The following DLGAP2 variants were observed in gnomAD, a reference collection of about 807,000 sequenced individuals.
DLGAP2 encodes disks large-associated protein 2.
In DLGAP2, 26 loss-of-function variants were observed where a neutral mutation model predicts 100.3. The ratio of observed to expected loss-of-function variants is 0.26; its 90% CI spans 0.19 to 0.36. The LOEUF (loss-of-function observed/expected upper bound fraction) is 0.36, where lower values mean the gene tolerates loss of function less well. Among genes scored for constraint, DLGAP2 ranks in the 10% least tolerant of loss-of-function variants. The pLI is 1.00. For missense variants in DLGAP2, 1,858 were observed against 1,453.2 expected, an observed-to-expected ratio of 1.28 and a Z score of -4.53; for synonymous variants, 886 against 630.1, an observed-to-expected ratio of 1.41 and a Z score of -6.08.
chr8:1,515,371 T>G (rs1165281931), intron 4 of DLGAP2, among the ~76,000 whole-genome samples: 1 of 152,196 alleles, frequency 6.6e-6, no homozygotes, highest in Non-Finnish European at 1.5e-5. Flanking sequence ...GCAGTCAGCA[T>G]ACACATGCAC....
chr8:1,551,260 T>C (rs993978184), intron 5 of DLGAP2, among the ~76,000 whole-genome samples: 16 of 152,266 alleles, frequency 1.1e-4, no homozygotes, highest in African/African-American at 3.6e-4. Flanking sequence ...TCTGCTTGTT[T>C]AGAGAAGCCT....
At chr8:1,128,041 C>T (rs967847888) in intron 2 of DLGAP2, among the ~76,000 whole-genome samples, 1 of 152,238 alleles carries the variant, frequency 6.6e-6, no homozygotes, top group Non-Finnish European at 1.5e-5. Context: ...AAGAGCAGCC[C>T]CACATTTCAA....
intron 12 of DLGAP2, among the ~76,000 whole-genome samples, chr8:1,685,487 T>C (rs4379476): frequency 2.0e-5 from 3 of 152,044 alleles, no homozygotes; most frequent in Admixed American, 6.5e-5. Context: ...TGTGTCCATT[T>C]TGTGGATCAG....
intron 3 of DLGAP2, among the ~76,000 whole-genome samples, chr8:1,495,877 G>A (rs988433563): frequency 4.6e-5 from 7 of 152,166 alleles, no homozygotes; most frequent in East Asian, 1.9e-4. Flanking sequence ...CAAAGCACAC[G>A]ACAGCCCCTG....
At chr8:877,516 G>A (rs1230566968) in intron 1 of DLGAP2, among the ~76,000 whole-genome samples, 1 of 152,210 alleles carries the variant, frequency 6.6e-6, no homozygotes, top group Non-Finnish European at 1.5e-5. Flanking sequence ...GCCACTAATT[G>A]CTGCTGATTG....
At chr8:941,818 C>T (rs867488398) in intron 2 of DLGAP2, among the ~76,000 whole-genome samples, 3 of 120,182 alleles carry the variant, frequency 2.5e-5, no homozygotes, top group African/African-American at 6.9e-5. Context: ...CCACAAAATA[C>T]ATTTTTTTTT....
chr8:1,215,770 G>T (rs1201771489), intron 2 of DLGAP2, among the ~76,000 whole-genome samples: 1 of 118,654 alleles, frequency 8.4e-6, no homozygotes, highest in Non-Finnish European at 1.7e-5. Flanking sequence ...TCATTTGGGT[G>T]CATCACCTGG....
At chr8:1,029,474 G>T in intron 2 of DLGAP2, among the ~76,000 whole-genome samples, 1 of 152,316 alleles carries the variant, frequency 6.6e-6, no homozygotes, top group South Asian at 2.1e-4. Context: ...ATCCAGCAGT[G>T]CTGAGAGGTT....
intron 3 of DLGAP2, among the ~76,000 whole-genome samples, chr8:1,303,484 G>T (rs1348770474): frequency 1.3e-5 from 2 of 151,850 alleles, no homozygotes; most frequent in Non-Finnish European, 2.9e-5. Flanking sequence ...AAGGAGCTTC[G>T]ACCTGGAAAT....
At chr8:882,373 TCGCC>T (rs1797823635) in intron 1 of DLGAP2, among the ~76,000 whole-genome samples, 3 of 88,140 alleles carry the variant, frequency 3.4e-5, no homozygotes, top group African/African-American at 1.2e-4. Context: ...GCGCGCACCC[TCGCC>T]TGATCCAGCG....
intron 2 of DLGAP2, among the ~76,000 whole-genome samples, chr8:1,092,581 A>ACTT (rs1232457428): frequency 1.3e-5 from 2 of 152,212 alleles, no homozygotes; most frequent in East Asian, 3.9e-4. Context: ...AGGTGGACCC[A>ACTT]CTTCAGAGGA....
At chr8:1,269,582 C>T (rs1025494375) in intron 3 of DLGAP2, among the ~76,000 whole-genome samples, 2 of 152,184 alleles carry the variant, frequency 1.3e-5, no homozygotes, top group Non-Finnish European at 2.9e-5. Context: ...GCTCTCCTCT[C>T]TGATTGGTAC....
At chr8:1,062,147 G>C (rs989542143) in intron 2 of DLGAP2, among the ~76,000 whole-genome samples, 11 of 152,058 alleles carry the variant, frequency 7.2e-5, no homozygotes, top group Non-Finnish European at 1.2e-4. Context: ...GGCTAACTCT[G>C]TTACAAGGAA....
intron 2 of DLGAP2, among the ~76,000 whole-genome samples, chr8:1,049,697 G>A (rs1216083068): frequency 1.3e-5 from 2 of 152,014 alleles, no homozygotes; most frequent in African/African-American, 4.8e-5. Flanking sequence ...ATGCATGCGT[G>A]GATACAGACA....
chr8:1,074,245 C>T (rs79039243), intron 2 of DLGAP2, among the ~76,000 whole-genome samples: 2,998 of 148,496 alleles, frequency 0.02, no homozygotes, highest in East Asian at 0.081. Flanking sequence ...TTCACTGTAA[C>T]AGAAGGGTTT....
At chr8:1,427,503 A>G (rs1797268761) in intron 3 of DLGAP2, among the ~76,000 whole-genome samples, 1 of 152,228 alleles carries the variant, frequency 6.6e-6, no homozygotes, top group African/African-American at 2.4e-5. Context: ...TCAAATGTCA[A>G]CAGAAAGCAC....
intron 3 of DLGAP2, among the ~76,000 whole-genome samples, chr8:1,349,206 A>C (rs1272891706): frequency 6.6e-6 from 1 of 150,732 alleles, no homozygotes; most frequent in African/African-American, 2.4e-5. Context: ...GCTCACATTA[A>C]ATATTAAAAT....
intron 1 of DLGAP2, among the ~76,000 whole-genome samples, chr8:835,813 C>T (rs1796862850): frequency 6.6e-6 from 1 of 152,138 alleles, no homozygotes; most frequent in Admixed American, 6.5e-5. Flanking sequence ...ATGCTTTCTC[C>T]CCGTACCAGC....
intron 3 of DLGAP2, among the ~76,000 whole-genome samples, chr8:1,411,970 C>T (rs1796743417): frequency 6.6e-6 from 1 of 152,194 alleles, no homozygotes; most frequent in African/African-American, 2.4e-5. Flanking sequence ...CTCCGAAAAC[C>T]TACAGGCAAC....
Sources: gnomAD v4.1 joint callset for allele counts (sites outside exome capture counted in the v4.1 genomes callset) on GRCh38, gnomAD v4.1.1 for gene constraint, MANE v1.5 for transcripts, NCBI Gene and HGNC (gene_info 2026-07-23, HGNC 2026-07-21) for gene names.